CPNE8: variants seen among roughly 807,000 people sequenced by gnomAD.
CPNE8 encodes the protein copine-8.
CPNE8 carries 45 observed loss-of-function variants against 81.5 expected under a neutral mutation model. The ratio of observed to expected loss-of-function variants is 0.55; its 90% CI spans 0.44 to 0.71. The LOEUF is 0.71. CPNE8 is among the 30% of genes least tolerant of loss of function. The pLI is 0.00. For missense variants in CPNE8, 594 were observed against 672.1 expected, an observed-to-expected ratio of 0.88 and a Z score of 1.28; for synonymous variants, 252 against 226.3, an observed-to-expected ratio of 1.11 and a Z score of -1.02.
At chr12:38,819,671 G>A (rs1444184911) in intron 6 of CPNE8, among the ~76,000 whole-genome samples, 1 of 149,692 alleles carries the variant, frequency 6.7e-6, no homozygotes, top group African/African-American at 2.5e-5. Context: ...GGAGGCTGAC[G>A]CAGGAGAATG....
chr12:38,760,900 A>T lies in CPNE8; in HGVS notation c.681-12T>A, dbSNP rs766579569. Reference sequence around the variant, plus strand: ...CTACTTTGATTGTTCTGTACATGAGAAAAACATACACATAAAGTTACTTAG... The same window carrying T: ...CTACTTTGATTGTTCTGTACATGAGTAAAACATACACATAAAGTTACTTAG... On this transcript the variant is annotated splice_polypyrimidine_tract_variant and intron_variant, in intron 9 of 19. Transcript: ENST00000331366. 1 of 1,541,058 alleles carries T rather than the reference A, an allele frequency of 6.5e-7. No homozygotes were observed. Among genetic ancestry groups the T allele is most frequent in the South Asian group, 1.2e-5 (1 of 82,110 alleles).
intron 3 of CPNE8, among the ~76,000 whole-genome samples, chr12:38,866,590 CAT>C (rs35891242): frequency 0.12 from 17,663 of 152,026 alleles, 2,016 homozygotes; most frequent in African/African-American, 0.3. Flanking sequence ...AGATATATAA[CAT>C]GTTTTCAATT....
intron 8 of CPNE8, among the ~76,000 whole-genome samples, chr12:38,763,086 T>C (rs1941605314): frequency 6.6e-6 from 1 of 152,222 alleles, no homozygotes; most frequent in African/African-American, 2.4e-5. Context: ...CTTGAACTCC[T>C]GACCTCATGA....
intron 13 of CPNE8, among the ~76,000 whole-genome samples, chr12:38,718,752 A>C (rs1303078425): frequency 6.6e-6 from 1 of 152,218 alleles, no homozygotes; most frequent in Admixed American, 6.5e-5. Flanking sequence ...AATGCATAAA[A>C]TGCCATGTAC....
intron 1 of CPNE8, among the ~76,000 whole-genome samples, chr12:38,904,189 G>A (rs1485396235): frequency 6.6e-6 from 1 of 152,172 alleles, no homozygotes; most frequent in African/African-American, 2.4e-5. Context: ...GGGAGGATGT[G>A]AGGGCATAAA....
Position 38,746,734 on chromosome 12 carries a change from G to A in CPNE8, c.722+14113C>T, listed in dbSNP as rs1024207200. ...AACAGGAACTTGAATCAAAATCATC[G>A]TCATAAAGCAGGTATTATCTTAATT... On this transcript the variant is annotated intron_variant, in intron 10 of 19. Coordinates refer to ENST00000331366, the MANE Select transcript of CPNE8 (RefSeq NM_153634.3). 5.1e-4 allele frequency among the ~76,000 whole-genome samples: 78 copies of A among 152,070 alleles called. 1 individual carries two copies. Among genetic ancestry groups the A allele is most frequent in the Admixed American group, 5.0e-3 (76 of 15,266 alleles).
intron 17 of CPNE8, among the ~76,000 whole-genome samples, chr12:38,676,797 T>A (rs1208237148): frequency 1.3e-5 from 2 of 152,174 alleles, no homozygotes; most frequent in Admixed American, 1.3e-4. Flanking sequence ...GACTGATTAT[T>A]CCTCAGGGCA....
At chr12:38,875,679 T>C (rs118028533) in intron 1 of CPNE8, among the ~76,000 whole-genome samples, 132 of 152,228 alleles carry the variant, frequency 8.7e-4, no homozygotes, top group Non-Finnish European at 1.5e-3. Context: ...AACAAAAACA[T>C]ATTCAACAAA....
intron 6 of CPNE8, among the ~76,000 whole-genome samples, chr12:38,779,092 G>A (rs1941993123): frequency 6.6e-6 from 1 of 152,040 alleles, no homozygotes; most frequent in Admixed American, 6.6e-5. Context: ...TGAACTATGA[G>A]TTTAATATAT....
At chr12:38,765,734 A>C (rs533148771) in intron 8 of CPNE8, among the ~76,000 whole-genome samples, 108 of 152,322 alleles carry the variant, frequency 7.1e-4, no homozygotes, top group African/African-American at 2.4e-3. Flanking sequence ...TGTAAATATA[A>C]ATGAAAAGTT....
At chr12:38,816,199 G>T (rs1357639684) in intron 6 of CPNE8, among the ~76,000 whole-genome samples, 3 of 152,102 alleles carry the variant, frequency 2.0e-5, no homozygotes, top group Non-Finnish European at 2.9e-5. Context: ...ATAATGTGCA[G>T]GAGAGATACT....
At chr12:38,691,187 C>T (rs2136668900) in intron 15 of CPNE8, among the ~76,000 whole-genome samples, 1 of 152,192 alleles carries the variant, frequency 6.6e-6, no homozygotes, top group Admixed American at 6.5e-5. Context: ...TGGGGTTTAG[C>T]TGTAGTTAAG....
upstream of CPNE8, chr12:38,906,108 T>TTCC: frequency 3.0e-6 from 3 of 986,060 alleles, no homozygotes; most frequent in Non-Finnish European, 3.6e-6. Flanking sequence ...AACTGCCCCG[T>TTCC]TATAAGGTCC....
intron 1 of CPNE8, among the ~76,000 whole-genome samples, chr12:38,901,859 G>A (rs1236950024): frequency 6.6e-6 from 1 of 152,032 alleles, no homozygotes; most frequent in African/African-American, 2.4e-5. Flanking sequence ...CCCTCCTCAT[G>A]CATGAGCCTC....
intron 4 of CPNE8, among the ~76,000 whole-genome samples, chr12:38,848,203 C>T (rs1943587501): frequency 6.6e-6 from 1 of 152,126 alleles, no homozygotes; most frequent in Admixed American, 6.6e-5. Context: ...AGGTGCTATG[C>T]TAAGAAGCTG....
chr12:38,740,767 A>T (rs1298409057), intron 10 of CPNE8, among the ~76,000 whole-genome samples: 1 of 152,150 alleles, frequency 6.6e-6, no homozygotes, highest in Non-Finnish European at 1.5e-5. Context: ...ATAAGCTTTT[A>T]GATGTGCTGC....
chr12:38,691,971 A>T (rs11169142), intron 15 of CPNE8, among the ~76,000 whole-genome samples: 76,237 of 151,958 alleles, frequency 0.5, 20,214 homozygotes, highest in East Asian at 0.8. Flanking sequence ...GCAATATCTA[A>T]CCTATATGTG....
chr12:38,792,292 TAA>T (rs1942344471), intron 6 of CPNE8, among the ~76,000 whole-genome samples: 1 of 124,784 alleles, frequency 8.0e-6, no homozygotes, highest in South Asian at 2.5e-4. Context: ...TCAATGAAAC[TAA>T]GAGTTTTTTT....
rs888359814 is a variant in CPNE8, at chr12:38,652,802, T to C, written c.*1080A>G. 1 of 152,596 alleles carries C rather than the reference T, an allele frequency of 6.6e-6. No homozygotes were observed. Among genetic ancestry groups the C allele is most frequent in the Non-Finnish European group, 1.5e-5 (1 of 68,022 alleles). 9.5% of individuals were successfully genotyped at this position (152,596 alleles called of 1,614,324 possible). On this transcript the variant is annotated 3_prime_UTR_variant, in exon 20 of 20. Transcript: ENST00000331366. Reference sequence around the variant, plus strand: ...ATTCGTGGACAGGCAGGTCAGTATATAGGAGTAGGTTATTTCACAAATGTG... The same window carrying C: ...ATTCGTGGACAGGCAGGTCAGTATACAGGAGTAGGTTATTTCACAAATGTG...
Sources: allele counts gnomAD v4.1 joint callset (sites outside exome capture counted in the v4.1 genomes callset), GRCh38; gene constraint gnomAD v4.1.1; transcripts MANE v1.5; gene names NCBI Gene and HGNC (gene_info 2026-07-23, HGNC 2026-07-21).